Variants in ADGRV1 observed in about 807,000 individuals in gnomAD.
ADGRV1 encodes the protein adhesion G protein-coupled receptor V1.
In ADGRV1, 359 loss-of-function variants were observed where a neutral mutation model predicts 596.2. That is an observed-to-expected ratio of 0.60 (90% CI 0.55 to 0.66). ADGRV1 has a LOEUF of 0.66. ADGRV1 is among the 30% of genes least tolerant of loss of function. The pLI, the probability that ADGRV1 is intolerant of heterozygous loss-of-function variation, is 0.00. For missense variants in ADGRV1, 7,274 were observed against 7,575.6 expected, an observed-to-expected ratio of 0.96 and a Z score of 1.48; for synonymous variants, 2,681 against 2,679.2, an observed-to-expected ratio of 1.00 and a Z score of -0.02.
intron 75 of ADGRV1, among the ~76,000 whole-genome samples, chr5:90,820,148 T>A (rs1763330534): frequency 6.6e-6 from 1 of 150,952 alleles, no homozygotes. Flanking sequence ...TCTTGTTGAA[T>A]TGATCCCTTT....
chr5:90,720,126 G>A lies in ADGRV1; in HGVS notation c.9526G>A (p.Gly3176Arg). 1 of 1,613,478 alleles carries A rather than the reference G, an allele frequency of 6.2e-7. No individual in the cohort carries two copies. ...TGTTTGCACCTTGTTTAATCCAACT[G>A]GAGGTGCTAGACTAGGGGTGCATGT... ...YFVCTLFNPTGGARLGVHVQT... is the reference protein window; with the variant it reads ...YFVCTLFNPTRGARLGVHVQT... Residue 3176 changes from glycine (G) to arginine (R), a missense_variant, in exon 44 of 90, where the codon GGA (glycine) becomes AGA (arginine). Gly to Arg is a moderately radical substitution (Grantham distance 125). This residue lies in a region of ADGRV1 where 3,643 missense variants were observed against 3,809.2 expected (regional missense o/e 0.96). Coordinates refer to ENST00000405460, the MANE Select transcript of ADGRV1 (RefSeq NM_032119.4).
At chr5:90,690,217 T>C (rs1201036940) in intron 30 of ADGRV1, 141 bp downstream of exon 30, 2 of 601,114 alleles carry the variant, frequency 3.3e-6, no homozygotes, top group East Asian at 2.8e-5. Context: ...AGGACATCTG[T>C]ACACAGTTAT....
intron 22 of ADGRV1, among the ~76,000 whole-genome samples, chr5:90,673,215 C>T (rs1772729688): frequency 6.6e-6 from 1 of 152,112 alleles, no homozygotes; most frequent in African/African-American, 2.4e-5. Flanking sequence ...TTCTAAAATA[C>T]TGTTCCTGAG....
intron 70 of ADGRV1, among the ~76,000 whole-genome samples, chr5:90,797,952 A>G (rs182898069): frequency 4.2e-4 from 64 of 152,352 alleles, no homozygotes; most frequent in African/African-American, 1.5e-3. Context: ...AATTTATAGC[A>G]TTAAATGCCC....
chr5:90,895,979 T>G (rs1344055508), intron 83 of ADGRV1, among the ~76,000 whole-genome samples: 1 of 152,060 alleles, frequency 6.6e-6, no homozygotes, highest in African/African-American at 2.4e-5. Flanking sequence ...CTATTCTGTT[T>G]AGGAGGGCCA....
intron 86 of ADGRV1, among the ~76,000 whole-genome samples, chr5:91,092,108 T>G (rs1282898682): frequency 2.0e-5 from 3 of 152,108 alleles, no homozygotes; most frequent in Admixed American, 6.5e-5. Flanking sequence ...TGCTGAGATG[T>G]CCTTTTTTTT....
intron 86 of ADGRV1, among the ~76,000 whole-genome samples, chr5:91,089,102 G>A (rs1278297746): frequency 6.6e-6 from 1 of 152,020 alleles, no homozygotes; most frequent in Non-Finnish European, 1.5e-5. Flanking sequence ...TGGGTATTGT[G>A]CCATTGTTTA....
Position 90,750,459 on chromosome 5 carries a change from A to G in ADGRV1, c.10975-92A>G, listed in dbSNP as rs1467211631. 3.7e-6 allele frequency: 4 copies of G among 1,072,716 alleles called. No homozygotes were observed. In the African/African-American group the frequency reaches 6.3e-5, roughly 17 times the overall value. 66.4% of individuals were successfully genotyped at this position (1,072,716 alleles called of 1,614,324 possible). On this transcript the variant is annotated intron_variant, in intron 52 of 89. Coordinates refer to ENST00000405460, the MANE Select transcript of ADGRV1 (RefSeq NM_032119.4). The stretch of plus-strand genomic sequence containing the variant: ...TATGTCATGTTGCTTAGGACCACAA[A>G]GTTTGCAAATCCATAATAACATGAG...
rs115401650 is a variant in ADGRV1, at chr5:90,977,042, A to C, written c.17974-8302A>C. Among the ~76,000 whole-genome samples, 539 of 152,334 alleles carry C rather than the reference A, an allele frequency of 3.5e-3. 4 individuals carry two copies. The highest frequency in any genetic ancestry group is 0.013 in the African/African-American group (522 of 41,576). On this transcript the variant is annotated intron_variant, in intron 84 of 89. Coordinates refer to ENST00000405460, the MANE Select transcript of ADGRV1 (RefSeq NM_032119.4). ...GCGTGTTATTTATTCCTTGGTAGAA[A>C]GGCTACTTAGTGCCAGAGCATAGCA...
At chr5:90,732,212 C>CTTTGTGA (rs1752645635) in intron 50 of ADGRV1, among the ~76,000 whole-genome samples, 1 of 152,116 alleles carries the variant, frequency 6.6e-6, no homozygotes, top group Admixed American at 6.6e-5. Context: ...TTGTGTTGCC[C>CTTTGTGA]AGCCTGGTCT....
At chr5:90,762,045 C>A (rs1238278901) in intron 58 of ADGRV1, among the ~76,000 whole-genome samples, 1 of 152,066 alleles carries the variant, frequency 6.6e-6, no homozygotes, top group Non-Finnish European at 1.5e-5. Flanking sequence ...AGTATAAATC[C>A]ATCAAAATTA....
chr5:90,981,263 T>G (rs1490844986), intron 84 of ADGRV1, among the ~76,000 whole-genome samples: 1 of 152,172 alleles, frequency 6.6e-6, no homozygotes, highest in Non-Finnish European at 1.5e-5. Flanking sequence ...AGAAGATACA[T>G]TTTTTGAGGC....
Position 91,084,472 on chromosome 5 carries a change from G to GA in ADGRV1, c.18310+11874dup, listed in dbSNP as rs571286526. On this transcript the variant is annotated intron_variant, in intron 86 of 89. Coordinates refer to ENST00000405460, the MANE Select transcript of ADGRV1 (RefSeq NM_032119.4). ...ACATTTATGTGGCCAACAGGCACAT[G>GA]AAAAAATGCTCATCATCACTGGTCA... 2.5e-3 allele frequency among the ~76,000 whole-genome samples: 378 copies of GA among 152,282 alleles called. 2 individuals are homozygous for GA. The highest frequency in any genetic ancestry group is 4.1e-3 in the Non-Finnish European group (276 of 68,014).
At chr5:90,665,655 G>A (rs993749799) in intron 21 of ADGRV1, among the ~76,000 whole-genome samples, 6 of 148,620 alleles carry the variant, frequency 4.0e-5, no homozygotes, top group African/African-American at 1.2e-4. Context: ...CCTTCTGCTT[G>A]CTTTTGAATG....
chr5:91,163,980 T>C lies in ADGRV1; in HGVS notation c.*80T>C. 1.4e-6 allele frequency: 1 copy of C among 730,304 alleles called. No individual in the cohort carries two copies. The highest frequency in any genetic ancestry group is 2.5e-6 in the Non-Finnish European group (1 of 401,056). 45.2% of individuals were successfully genotyped at this position (730,304 alleles called of 1,614,324 possible). On this transcript the variant is annotated 3_prime_UTR_variant, in exon 90 of 90. Transcript: ENST00000405460. ...CTAAAACTCTCTAAGTACATCCACC[T>C]GTGTAATAGGAACCTGTGAATTGTA...
intron 30 of ADGRV1, 127 bp downstream of exon 30, chr5:90,690,203 A>T (rs763748323): frequency 3.2e-6 from 2 of 621,628 alleles, no homozygotes; most frequent in Non-Finnish European, 5.6e-6. Flanking sequence ...TGTTACTGAC[A>T]TATAGGACAT....
intron 51 of ADGRV1, 61 bp downstream of exon 51, chr5:90,745,326 A>C: frequency 9.4e-7 from 1 of 1,069,432 alleles, no homozygotes; most frequent in Non-Finnish European, 1.3e-6. Flanking sequence ...ATGACAGCTC[A>C]TTTCCAAGTC....
At chr5:91,112,873 A>G (rs1472873168) in intron 87 of ADGRV1, among the ~76,000 whole-genome samples, 5 of 152,196 alleles carry the variant, frequency 3.3e-5, no homozygotes, top group Non-Finnish European at 7.3e-5. Context: ...GTGTAAAAAT[A>G]TATGTGTATA....
chr5:91,104,860 C>CTTTTTTTTTTTTTTT (rs60957930), intron 87 of ADGRV1, among the ~76,000 whole-genome samples: 16 of 125,992 alleles, frequency 1.3e-4, no homozygotes, highest in Non-Finnish European at 2.1e-4. Flanking sequence ...CTTTTCTTTT[C>CTTTTTTTTTTTTTTT]TTTTTTTTTT....
Sources: gnomAD v4.1 joint callset for allele counts (sites outside exome capture counted in the v4.1 genomes callset) on GRCh38, gnomAD v4.1.1 for gene constraint, gnomAD v4.1.1 regional missense constraint, MANE v1.5 for transcripts, NCBI Gene and HGNC (gene_info 2026-07-23, HGNC 2026-07-21) for gene names.